Variants in EXOC6 observed in about 807,000 individuals in gnomAD.
The protein encoded by EXOC6 is SEC15-like 1.
Under a neutral mutation model 112.5 loss-of-function variants are expected in EXOC6, and 60 were observed. The observed-to-expected ratio is 0.53, with a 90% CI of 0.43 to 0.66. EXOC6 has a LOEUF of 0.66. Among genes scored for constraint, EXOC6 ranks in the 30% least tolerant of loss-of-function variants. The probability of loss-of-function intolerance (pLI) is 0.00; values close to 1 mark genes in which losing one functional copy is unlikely to be tolerated. For synonymous variants in EXOC6, 295 were observed against 308.0 expected, an observed-to-expected ratio of 0.96 and a Z score of 0.44; for missense variants, 855 against 957.1, an observed-to-expected ratio of 0.89 and a Z score of 1.41.
At chr10:92,855,452 C>G (rs896287055) in intron 1 of EXOC6, among the ~76,000 whole-genome samples, 1 of 152,134 alleles carries the variant, frequency 6.6e-6, no homozygotes, top group Admixed American at 6.5e-5. Flanking sequence ...GTGTTCGCTT[C>G]TCTTCCACAT....
intron 12 of EXOC6, among the ~76,000 whole-genome samples, chr10:92,940,264 G>A (rs1160517096): frequency 6.6e-6 from 1 of 152,132 alleles, no homozygotes; most frequent in African/African-American, 2.4e-5. Context: ...ATTCGGAAGT[G>A]TGAATGTTTA....
At chr10:93,013,228 C>A (rs951732128) in intron 19 of EXOC6, among the ~76,000 whole-genome samples, 1 of 151,832 alleles carries the variant, frequency 6.6e-6, no homozygotes, top group South Asian at 2.1e-4. Flanking sequence ...AAATTTTAAA[C>A]CACAAAAAAT....
upstream of EXOC6, among the ~76,000 whole-genome samples, chr10:92,846,814 G>A (rs1357469782): frequency 2.0e-5 from 3 of 152,216 alleles, no homozygotes; most frequent in Non-Finnish European, 4.4e-5. Context: ...TATTGCATAT[G>A]TGATTAAGGT....
At chr10:92,880,195 A>C (rs573895765) in intron 1 of EXOC6, among the ~76,000 whole-genome samples, 3 of 152,308 alleles carry the variant, frequency 2.0e-5, no homozygotes, top group African/African-American at 7.2e-5. Flanking sequence ...CATATAACCT[A>C]TGCACATACT....
At chr10:92,906,300 C>A (rs1379175824) in intron 5 of EXOC6, among the ~76,000 whole-genome samples, 1 of 152,004 alleles carries the variant, frequency 6.6e-6, no homozygotes, top group East Asian at 1.9e-4. Context: ...ATAAAAATTT[C>A]GTACTTTTTC....
intron 20 of EXOC6, among the ~76,000 whole-genome samples, chr10:93,050,255 A>T (rs1846217324): frequency 6.6e-6 from 1 of 152,208 alleles, no homozygotes; most frequent in South Asian, 2.1e-4. Flanking sequence ...ACTAGAACTA[A>T]AAGAGGAGTT....
At chr10:92,869,499 A>G (rs1848336446) in intron 1 of EXOC6, among the ~76,000 whole-genome samples, 1 of 152,050 alleles carries the variant, frequency 6.6e-6, no homozygotes, top group African/African-American at 2.4e-5. Context: ...TTGTAGAGGC[A>G]GGGTCTCACT....
intron 20 of EXOC6, among the ~76,000 whole-genome samples, chr10:93,020,047 A>T (rs1844710156): frequency 6.6e-6 from 1 of 152,188 alleles, no homozygotes. Context: ...TATAATTTGT[A>T]TTTGATTTTT....
intron 1 of EXOC6, among the ~76,000 whole-genome samples, chr10:92,867,569 C>A (rs1848235793): frequency 6.6e-6 from 1 of 152,132 alleles, no homozygotes; most frequent in Non-Finnish European, 1.5e-5. Context: ...CAGGTGAATG[C>A]ACTGGGCATT....
intron 19 of EXOC6, among the ~76,000 whole-genome samples, chr10:93,011,296 AC>A (rs1844234091): frequency 6.6e-6 from 1 of 151,322 alleles, no homozygotes; most frequent in Admixed American, 6.6e-5. Context: ...TTGCTTTGTC[AC>A]CCAGGCTGGA....
intron 1 of EXOC6, among the ~76,000 whole-genome samples, chr10:92,864,737 A>G (rs952081856): frequency 2.0e-5 from 3 of 152,026 alleles, no homozygotes; most frequent in South Asian, 2.1e-4. Flanking sequence ...GCCCATGGAC[A>G]TCGGAACACC....
chr10:93,034,582 G>A (rs1182404230), intron 20 of EXOC6, among the ~76,000 whole-genome samples: 1 of 152,188 alleles, frequency 6.6e-6, no homozygotes, highest in Non-Finnish European at 1.5e-5. Flanking sequence ...TGAATCTTAT[G>A]AAGGAATTGT....
intron 1 of EXOC6, among the ~76,000 whole-genome samples, chr10:92,859,284 C>G (rs74149160): frequency 0.027 from 4,128 of 152,236 alleles, 155 homozygotes; most frequent in East Asian, 0.14. Flanking sequence ...ATTTCCCTCA[C>G]AGTGGGAAGT....
chr10:92,988,124 G>A (rs151202389), intron 18 of EXOC6, among the ~76,000 whole-genome samples: 44 of 152,244 alleles, frequency 2.9e-4, no homozygotes, highest in African/African-American at 9.9e-4. Flanking sequence ...AACTGCACTC[G>A]TAGAAGTCTA....
At chr10:92,942,717 A>T (rs1315211980) in intron 13 of EXOC6, among the ~76,000 whole-genome samples, 1 of 152,190 alleles carries the variant, frequency 6.6e-6, no homozygotes, top group African/African-American at 2.4e-5. Context: ...GATGTTATTT[A>T]ACTGGCCTCT....
At position 92,976,060 on chromosome 10, in the gene EXOC6, G is replaced by GC. The variant is rs1188273394; in HGVS notation, c.1953+1834dup. Among the ~76,000 whole-genome samples the GC allele has an allele frequency of 5.3e-3, 739 of 140,674 alleles. 18 individuals carry two copies. Among genetic ancestry groups the GC allele is most frequent in the African/African-American group, 0.019 (706 of 37,184 alleles). The allele number at this position is 140,674 out of a possible 152,430, so 92.3% of individuals were successfully genotyped here. ...GGGAGGGAGGTGGGGGGGGGGGTCAGCCCCCCGCCCGGCCAGCCGCCCCGC... is the reference window on the plus strand; with the variant it reads ...GGGAGGGAGGTGGGGGGGGGGGTCAGCCCCCCCGCCCGGCCAGCCGCCCCGC... On this transcript the variant is annotated intron_variant, in intron 18 of 21. Coordinates refer to ENST00000260762, the MANE Select transcript of EXOC6 (RefSeq NM_019053.6).
At chr10:92,914,402 G>A (rs1850966939) in intron 6 of EXOC6, among the ~76,000 whole-genome samples, 1 of 152,198 alleles carries the variant, frequency 6.6e-6, no homozygotes, top group Admixed American at 6.5e-5. Flanking sequence ...CTTTACTTAT[G>A]AATTGTAAAT....
At chr10:92,920,622 G>T (rs1851377500) in intron 8 of EXOC6, among the ~76,000 whole-genome samples, 2 of 152,120 alleles carry the variant, frequency 1.3e-5, no homozygotes, top group Admixed American at 6.6e-5. Context: ...GGTTTATAGG[G>T]TTGTTCACGT....
intron 5 of EXOC6, among the ~76,000 whole-genome samples, chr10:92,902,081 TACACACACAC>T (rs144352636): frequency 1.4e-5 from 2 of 147,304 alleles, no homozygotes; most frequent in African/African-American, 5.0e-5. Flanking sequence ...CACACACACA[TACACACACAC>T]ACACACACAC....
Sources: allele counts gnomAD v4.1 joint callset (sites outside exome capture counted in the v4.1 genomes callset), GRCh38; gene constraint gnomAD v4.1.1; transcripts MANE v1.5; gene names NCBI Gene and HGNC (gene_info 2026-07-23, HGNC 2026-07-21).